The following DNAAF9 variants were observed in gnomAD, a reference collection of about 807,000 sequenced individuals.
The protein encoded by DNAAF9 is shulin.
In DNAAF9, 90 loss-of-function variants were observed where a neutral mutation model predicts 167.0. The ratio of observed to expected loss-of-function variants is 0.54; its 90% confidence interval spans 0.45 to 0.64. DNAAF9 has a LOEUF of 0.64. Ranked by LOEUF, DNAAF9 falls within the 30% of genes least tolerant of loss-of-function variation. DNAAF9 has a pLI of 0.00. For synonymous variants in DNAAF9, 491 were observed against 508.8 expected, an observed-to-expected ratio of 0.96 and a Z score of 0.47; for missense variants, 1,315 against 1,442.2, an observed-to-expected ratio of 0.91 and a Z score of 1.43.
At chr20:3,356,955 A>G (rs564380863) in intron 7 of DNAAF9, among the ~76,000 whole-genome samples, 1 of 152,248 alleles carries the variant, frequency 6.6e-6, no homozygotes, top group African/African-American at 2.4e-5. Flanking sequence ...AATTAAGCTA[A>G]TGGTTTCTCT....
At chr20:3,365,103 T>C (rs1188770787) in intron 6 of DNAAF9, among the ~76,000 whole-genome samples, 4 of 152,062 alleles carry the variant, frequency 2.6e-5, no homozygotes, top group African/African-American at 9.7e-5. Context: ...CCAGAGTAGC[T>C]AGAACTATAG....
chr20:3,303,774 T>C (rs1226802923), intron 21 of DNAAF9, among the ~76,000 whole-genome samples: 2 of 152,260 alleles, frequency 1.3e-5, no homozygotes, highest in African/African-American at 4.8e-5. Context: ...GGTGTTGCAC[T>C]GAGACGAGCT....
intron 27 of DNAAF9, among the ~76,000 whole-genome samples, chr20:3,282,867 T>C (rs1428084442): frequency 6.6e-6 from 1 of 152,204 alleles, no homozygotes; most frequent in Non-Finnish European, 1.5e-5. Context: ...ATCCTCTGAC[T>C]TCATACACCC....
intron 23 of DNAAF9, chr20:3,295,990 C>A: frequency 1.3e-6 from 2 of 1,547,938 alleles, no homozygotes; most frequent in East Asian, 4.5e-5. Flanking sequence ...CTTTGGGAGG[C>A]ACCATGTTGT....
Position 3,316,778 on chromosome 20 carries a change from G to A in DNAAF9, c.1484C>T (p.Thr495Ile). ...LVKEKDGTVTTETSSVVLTAA... is the reference protein window; with the variant it reads ...LVKEKDGTVTIETSSVVLTAA... ...AGTCAGGACTACGGAGCTGGTTTCT[G>A]TGGTAACAGTGCCATCTGCAGGAAC... The change falls in exon 18 of 37, where the codon ACA (threonine) becomes ATA (isoleucine). Residue 495 changes from threonine (T) to isoleucine (I), a missense_variant. By Grantham distance (89) the Thr-to-Ile change is moderately conservative. Around this residue, in one of 2 missense-constraint regions of DNAAF9, gnomAD observed 981 missense variants for 1,012.5 expected, o/e 0.97. Coordinates refer to ENST00000252032, the MANE Select transcript of DNAAF9 (RefSeq NM_001009984.3). 1.2e-6 allele frequency: 2 copies of A among 1,612,920 alleles called. No homozygotes were observed. Among genetic ancestry groups the A allele is most frequent in the Non-Finnish European group, 1.7e-6 (2 of 1,179,246 alleles).
intron 33 of DNAAF9, among the ~76,000 whole-genome samples, chr20:3,258,074 C>T (rs1452374725): frequency 1.1e-5 from 1 of 92,680 alleles, no homozygotes; most frequent in Non-Finnish European, 2.3e-5. Context: ...CCATATTGGC[C>T]AGGCTGGTCT....
At chr20:3,301,149 C>T (rs1041582262) in intron 21 of DNAAF9, among the ~76,000 whole-genome samples, 1 of 149,460 alleles carries the variant, frequency 6.7e-6, no homozygotes, top group Admixed American at 6.7e-5. Flanking sequence ...CAAATAGTTG[C>T]GACTTCAGGT....
At chr20:3,321,675 C>T (rs1009984292) in intron 16 of DNAAF9, among the ~76,000 whole-genome samples, 2 of 152,162 alleles carry the variant, frequency 1.3e-5, no homozygotes, top group African/African-American at 4.8e-5. Context: ...CTCAAGTGAT[C>T]CTCCTGCCTC....
chr20:3,314,996 A>G (rs1203868856), intron 20 of DNAAF9, 37 bp downstream of exon 20: 1 of 1,217,254 alleles, frequency 8.2e-7, no homozygotes, highest in Admixed American at 1.7e-5. Flanking sequence ...TGAGGGACCC[A>G]GACATGGCCA....
chr20:3,307,589 C>A (rs996586475), intron 20 of DNAAF9, among the ~76,000 whole-genome samples: 1 of 152,030 alleles, frequency 6.6e-6, no homozygotes, highest in South Asian at 2.1e-4. Flanking sequence ...TTTGTGCCAT[C>A]CTTGGTGTCC....
chr20:3,385,090 C>T (rs1258038826), intron 1 of DNAAF9, among the ~76,000 whole-genome samples: 1 of 151,646 alleles, frequency 6.6e-6, no homozygotes, highest in Non-Finnish European at 1.5e-5. Context: ...TTTAAAAAAC[C>T]CACCAAGCAA....
chr20:3,396,542 T>C (rs1269152809), intron 1 of DNAAF9, among the ~76,000 whole-genome samples: 1 of 152,178 alleles, frequency 6.6e-6, no homozygotes, highest in Non-Finnish European at 1.5e-5. Context: ...AATACACTTG[T>C]CATATGGTGG....
intron 6 of DNAAF9, among the ~76,000 whole-genome samples, chr20:3,370,982 CTTTAA>C (rs763444998): frequency 3.3e-5 from 5 of 152,114 alleles, no homozygotes; most frequent in Non-Finnish European, 4.4e-5. Flanking sequence ...ACATAACAAC[CTTTAA>C]TTTAATTCTT....
chr20:3,292,747 C>T (rs1245048125), intron 25 of DNAAF9, among the ~76,000 whole-genome samples: 1 of 144,462 alleles, frequency 6.9e-6, no homozygotes, highest in Non-Finnish European at 1.5e-5. Context: ...GCCTGGGCAA[C>T]AGAGCGAGAC....
At chr20:3,307,442 C>T (rs2069319378) in intron 20 of DNAAF9, among the ~76,000 whole-genome samples, 1 of 152,022 alleles carries the variant, frequency 6.6e-6, no homozygotes, top group Non-Finnish European at 1.5e-5. Flanking sequence ...GGTCTCAGAT[C>T]CTCATCTGCT....
At chr20:3,263,890 TA>T (rs1257055713) in intron 31 of DNAAF9, among the ~76,000 whole-genome samples, 1 of 152,240 alleles carries the variant, frequency 6.6e-6, no homozygotes, top group East Asian at 1.9e-4. Context: ...CTTTGAACAA[TA>T]GCTAGCACAC....
intron 20 of DNAAF9, among the ~76,000 whole-genome samples, chr20:3,311,325 G>A (rs761736365): frequency 5.3e-5 from 8 of 151,504 alleles, no homozygotes; most frequent in Non-Finnish European, 1.2e-4. Context: ...TTTTTGGGTA[G>A]AGATGGGGTC....
intron 13 of DNAAF9, 62 bp downstream of exon 13, chr20:3,326,135 T>G: frequency 8.1e-7 from 1 of 1,230,440 alleles, no homozygotes; most frequent in Non-Finnish European, 1.2e-6. Flanking sequence ...AAGAAACACA[T>G]GGATAGAATG....
At position 3,252,518 on chromosome 20, in the gene DNAAF9, G is replaced by T. The variant is rs995334716; in HGVS notation, c.*54C>A. 2.1e-6 allele frequency: 2 copies of T among 966,050 alleles called. No homozygotes were observed. The highest frequency in any genetic ancestry group is 1.6e-5 in the African/African-American group (1 of 62,412). 59.8% of individuals were successfully genotyped at this position (966,050 alleles called of 1,614,324 possible). Reference sequence around the variant, plus strand: ...CAGCAGAGCTGAGGTTAAGACACCCGTTCGTCCATCTCCAAGGTGGACATT... The same window carrying T: ...CAGCAGAGCTGAGGTTAAGACACCCTTTCGTCCATCTCCAAGGTGGACATT... On this transcript the variant is annotated 3_prime_UTR_variant, in exon 37 of 37. Coordinates refer to ENST00000252032, the MANE Select transcript of DNAAF9 (RefSeq NM_001009984.3).
Sources: allele counts gnomAD v4.1 joint callset (sites outside exome capture counted in the v4.1 genomes callset), GRCh38; gene constraint gnomAD v4.1.1; regional missense constraint gnomAD v4.1.1; transcripts MANE v1.5; gene names NCBI Gene and HGNC (gene_info 2026-07-23, HGNC 2026-07-21).